Variants in SGCD observed in about 807,000 individuals in gnomAD.
SGCD encodes the protein sarcoglycan delta.
A neutral mutation model predicts 36.6 loss-of-function variants in SGCD; 18 were observed. The observed-to-expected ratio is 0.49, with a 90% CI of 0.34 to 0.73. The LOEUF is 0.73. SGCD is among the 30% of genes least tolerant of loss of function. The probability of loss-of-function intolerance (pLI) is 0.01; values close to 1 mark genes in which losing one functional copy is unlikely to be tolerated. For synonymous variants in SGCD, 133 were observed against 130.6 expected (o/e 1.02, Z -0.12); for missense variants, 387 against 346.7 (o/e 1.12, Z -0.92).
At chr5:156,320,223 G>A (rs1344761391) in intron 3 of SGCD, among the ~76,000 whole-genome samples, 2 of 151,692 alleles carry the variant, frequency 1.3e-5, no homozygotes, top group Non-Finnish European at 2.9e-5. Flanking sequence ...CATTAGCTTG[G>A]AATTCCTGCA....
rs182374648 is a variant in SGCD, at chr5:155,904,496, A to G, written c.-282+34072A>G. On this transcript the variant is annotated intron_variant, in intron 1 of 9. Transcript: ENST00000517913. Reference sequence around the variant, plus strand: ...AACCTAAAGCAATTGTACTTTGTCTATCATTTTTAATTTGTTCGTATGTTT... The same window carrying G: ...AACCTAAAGCAATTGTACTTTGTCTGTCATTTTTAATTTGTTCGTATGTTT... Among the ~76,000 whole-genome samples the G allele has an allele frequency of 5.9e-5, 9 of 152,326 alleles. No homozygotes were observed. In the East Asian group the frequency reaches 9.6e-4, roughly 16 times the overall value.
intron 3 of SGCD, among the ~76,000 whole-genome samples, chr5:156,149,128 C>G (rs1419443076): frequency 6.6e-6 from 1 of 152,074 alleles, no homozygotes; most frequent in Non-Finnish European, 1.5e-5. Flanking sequence ...ACCTGGCTGT[C>G]ACAGGTACAT....
At chr5:156,667,137 G>C (rs990924822) in intron 7 of SGCD, among the ~76,000 whole-genome samples, 2 of 151,990 alleles carry the variant, frequency 1.3e-5, no homozygotes, top group East Asian at 3.9e-4. Flanking sequence ...CTGTAATGCA[G>C]GTATTTCAAA....
chr5:155,897,509 C>T (rs1353529870), intron 1 of SGCD, among the ~76,000 whole-genome samples: 2 of 152,048 alleles, frequency 1.3e-5, no homozygotes, highest in Non-Finnish European at 1.5e-5. Context: ...ATAAATTAAG[C>T]TGACTATAAT....
At chr5:156,015,748 A>G (rs1758959760) in intron 1 of SGCD, among the ~76,000 whole-genome samples, 1 of 151,330 alleles carries the variant, frequency 6.6e-6, no homozygotes, top group African/African-American at 2.4e-5. Context: ...TATGATATTC[A>G]TATATCATTC....
At chr5:156,215,752 A>G (rs368538909) in intron 3 of SGCD, among the ~76,000 whole-genome samples, 28 of 152,284 alleles carry the variant, frequency 1.8e-4, no homozygotes, top group Middle Eastern at 6.8e-3. Context: ...TATAGCCACT[A>G]TGTAAAATTG....
the SGCD span, among the ~76,000 whole-genome samples, chr5:155,786,552 C>T: frequency 6.6e-6 from 1 of 152,028 alleles, no homozygotes; most frequent in African/African-American, 2.4e-5. Context: ...AAAGGAGGAA[C>T]ATTTTACTAA....
chr5:156,085,349 G>T (rs1040436535), intron 1 of SGCD, among the ~76,000 whole-genome samples: 1 of 152,132 alleles, frequency 6.6e-6, no homozygotes, highest in Non-Finnish European at 1.5e-5. Context: ...GCTAGGTGCT[G>T]TCCTCGTGAT....
chr5:156,375,070 T>G (rs970476), intron 3 of SGCD, among the ~76,000 whole-genome samples: 78,338 of 151,890 alleles, frequency 0.52, 20,799 homozygotes, highest in East Asian at 0.85. Flanking sequence ...GAAGATCCTT[T>G]TCCAAGATTC....
chr5:156,676,262 A>G (rs140546678), intron 7 of SGCD, among the ~76,000 whole-genome samples: 1 of 152,242 alleles, frequency 6.6e-6, no homozygotes, highest in Non-Finnish European at 1.5e-5. Context: ...TCATAACCCC[A>G]GGTTGTTGCC....
chr5:156,551,728 T>C (rs933502929), intron 4 of SGCD, among the ~76,000 whole-genome samples: 3 of 152,204 alleles, frequency 2.0e-5, no homozygotes, highest in Non-Finnish European at 1.5e-5. Context: ...CTTCCGGTTC[T>C]AAGAGCTACC....
intron 3 of SGCD, among the ~76,000 whole-genome samples, chr5:156,165,112 G>A (rs1581140661): frequency 2.0e-5 from 3 of 152,168 alleles, no homozygotes; most frequent in African/African-American, 7.2e-5. Flanking sequence ...CTGCTTAAGG[G>A]TCCAATTGTA....
chr5:156,082,634 A>G (rs1223811443), intron 1 of SGCD, among the ~76,000 whole-genome samples: 1 of 152,226 alleles, frequency 6.6e-6, no homozygotes, highest in Non-Finnish European at 1.5e-5. Flanking sequence ...TTCTTGAATG[A>G]CATCTGGCCT....
chr5:156,604,593 A>C (rs1484266298), intron 6 of SGCD, among the ~76,000 whole-genome samples: 2 of 151,718 alleles, frequency 1.3e-5, no homozygotes, highest in Non-Finnish European at 2.9e-5. Context: ...TTCCAGTCAC[A>C]TGAGAAATAC....
intron 3 of SGCD, among the ~76,000 whole-genome samples, chr5:156,451,925 C>T (rs1754038186): frequency 6.6e-6 from 1 of 152,168 alleles, no homozygotes; most frequent in South Asian, 2.1e-4. Context: ...CTCTATATAA[C>T]TTAGCTCATT....
chr5:155,824,153 C>T, the SGCD span, among the ~76,000 whole-genome samples: 1 of 152,142 alleles, frequency 6.6e-6, no homozygotes, highest in Non-Finnish European at 1.5e-5. Flanking sequence ...CGATATGGTT[C>T]TGTAAAAAGA....
intron 1 of SGCD, among the ~76,000 whole-genome samples, chr5:156,113,458 GC>G (rs1187599102): frequency 2.3e-4 from 35 of 152,210 alleles, no homozygotes; most frequent in African/African-American, 8.2e-4. Context: ...CAGTTGAGTG[GC>G]TTTTGAGGTA....
At chr5:156,601,435 A>G (rs1297366128) in intron 6 of SGCD, among the ~76,000 whole-genome samples, 1 of 152,150 alleles carries the variant, frequency 6.6e-6, no homozygotes, top group Non-Finnish European at 1.5e-5. Flanking sequence ...TGAAAAGGCA[A>G]TTGGCTGTAG....
At chr5:155,916,102 C>G (rs1756729342) in intron 1 of SGCD, among the ~76,000 whole-genome samples, 1 of 152,178 alleles carries the variant, frequency 6.6e-6, no homozygotes, top group Non-Finnish European at 1.5e-5. Flanking sequence ...AAGTGTGAAA[C>G]ACAAACATGC....
Sources: gnomAD v4.1 joint callset for allele counts (sites outside exome capture counted in the v4.1 genomes callset) on GRCh38, gnomAD v4.1.1 for gene constraint, MANE v1.5 for transcripts, NCBI Gene and HGNC (gene_info 2026-07-23, HGNC 2026-07-21) for gene names.